The following BICC1 variants were observed in gnomAD, a reference collection of about 807,000 sequenced individuals.
BICC1 encodes the protein protein bicaudal C homolog 1.
Under a neutral mutation model 111.0 loss-of-function variants are expected in BICC1, and 43 were observed. The observed-to-expected ratio is 0.39, with a 90% CI of 0.30 to 0.50. BICC1 has a LOEUF of 0.50. BICC1 is among the 20% of genes least tolerant of loss of function. The pLI is 0.88. For missense variants in BICC1, 1,091 were observed against 1,203.2 expected (o/e 0.91, Z 1.38); for synonymous variants, 467 against 434.4 (o/e 1.07, Z -0.93).
intron 3 of BICC1, among the ~76,000 whole-genome samples, chr10:58,717,139 T>C (rs1476972301): frequency 6.6e-6 from 1 of 152,244 alleles, no homozygotes; most frequent in Non-Finnish European, 1.5e-5. Context: ...CTTTTCGAAC[T>C]TGATAGCTAA....
chr10:58,712,687 T>A (rs1840614601), intron 3 of BICC1, among the ~76,000 whole-genome samples: 1 of 152,170 alleles, frequency 6.6e-6, no homozygotes, highest in African/African-American at 2.4e-5. Context: ...GATCAGTGGT[T>A]ATCAGGGACT....
intron 1 of BICC1, among the ~76,000 whole-genome samples, chr10:58,599,365 C>T (rs2132066099): frequency 6.6e-6 from 1 of 152,244 alleles, no homozygotes; most frequent in South Asian, 2.1e-4. Flanking sequence ...GTGGATGAAG[C>T]TGGAAACCAT....
chr10:58,810,111 AG>A (rs1843853139), intron 17 of BICC1, among the ~76,000 whole-genome samples: 2 of 152,352 alleles, frequency 1.3e-5, no homozygotes, highest in Admixed American at 1.3e-4. Context: ...TCTGCTGTAA[AG>A]GGATGTAACC....
At chr10:58,585,046 G>A (rs1012180804) in intron 1 of BICC1, among the ~76,000 whole-genome samples, 2 of 152,096 alleles carry the variant, frequency 1.3e-5, no homozygotes, top group Non-Finnish European at 2.9e-5. Context: ...ATTATACCTG[G>A]CAAGTGGTAG....
At chr10:58,816,850 T>C (rs762722238) in intron 18 of BICC1, among the ~76,000 whole-genome samples, 16 of 151,312 alleles carry the variant, frequency 1.1e-4, no homozygotes, top group Non-Finnish European at 1.9e-4. Context: ...TCACTGGGTC[T>C]GAGAGCCACA....
intron 3 of BICC1, among the ~76,000 whole-genome samples, chr10:58,722,510 T>G (rs1304292065): frequency 6.6e-6 from 1 of 152,212 alleles, no homozygotes; most frequent in African/African-American, 2.4e-5. Flanking sequence ...AATTAAGTAA[T>G]AAAATAATAA....
intron 1 of BICC1, among the ~76,000 whole-genome samples, chr10:58,572,877 T>C (rs1844002650): frequency 6.6e-6 from 1 of 152,188 alleles, no homozygotes. Flanking sequence ...TGTCATTAGG[T>C]AGTCTTCGAT....
At chr10:58,798,947 ATTCTT>A (rs1843447317) in intron 11 of BICC1, 104 bp from the exon 12 acceptor site, 2 of 859,632 alleles carry the variant, frequency 2.3e-6, no homozygotes, top group Admixed American at 2.9e-5. Context: ...TCAAAATTGA[ATTCTT>A]TTCTGAACTT....
intron 1 of BICC1, among the ~76,000 whole-genome samples, chr10:58,546,734 A>G (rs1297114515): frequency 6.6e-6 from 1 of 152,210 alleles, no homozygotes; most frequent in Non-Finnish European, 1.5e-5. Flanking sequence ...TTTTAAAAAA[A>G]TAATTTATTT....
At chr10:58,642,079 C>G (rs917992893) in intron 2 of BICC1, among the ~76,000 whole-genome samples, 9 of 152,224 alleles carry the variant, frequency 5.9e-5, no homozygotes, top group African/African-American at 2.2e-4. Context: ...CAGGTCTCTT[C>G]AAGGCCAGCT....
chr10:58,604,300 A>C (rs1464170965), intron 1 of BICC1, among the ~76,000 whole-genome samples: 1 of 152,196 alleles, frequency 6.6e-6, no homozygotes, highest in African/African-American at 2.4e-5. Flanking sequence ...AGTCTGTTTG[A>C]TATTTAGACT....
intron 1 of BICC1, among the ~76,000 whole-genome samples, chr10:58,601,121 T>C (rs1182919604): frequency 8.8e-6 from 1 of 113,310 alleles, no homozygotes; most frequent in Non-Finnish European, 1.9e-5. Flanking sequence ...ACATACTTTT[T>C]AGGCAGTCAT....
chr10:58,522,149 A>G (rs1178748675), intron 1 of BICC1, among the ~76,000 whole-genome samples: 1 of 151,894 alleles, frequency 6.6e-6, no homozygotes, highest in Non-Finnish European at 1.5e-5. Context: ...ACAAATCTAT[A>G]TATTCTTGCG....
intron 2 of BICC1, among the ~76,000 whole-genome samples, chr10:58,677,468 C>T (rs748372454): frequency 3.4e-5 from 5 of 148,906 alleles, no homozygotes; most frequent in Non-Finnish European, 7.6e-5. Context: ...GGAAGATCAG[C>T]TTAATAAAGT....
intron 20 of BICC1, among the ~76,000 whole-genome samples, chr10:58,826,431 A>C (rs1844396704): frequency 6.6e-6 from 1 of 152,186 alleles, no homozygotes; most frequent in Non-Finnish European, 1.5e-5. Context: ...TCTGGAAAAA[A>C]AATGCCACAA....
intron 3 of BICC1, among the ~76,000 whole-genome samples, chr10:58,728,265 T>C (rs903100774): frequency 1.3e-5 from 2 of 152,254 alleles, no homozygotes; most frequent in Admixed American, 1.3e-4. Context: ...TGCCACTGCT[T>C]TATCAACTAA....
chr10:58,738,478 T>G (rs1481195175), intron 3 of BICC1, among the ~76,000 whole-genome samples: 2 of 152,174 alleles, frequency 1.3e-5, no homozygotes, highest in Non-Finnish European at 2.9e-5. Flanking sequence ...CCATGCTGTT[T>G]TGGTTACTGT....
chr10:58,593,667 A>G (rs1419916350), intron 1 of BICC1, among the ~76,000 whole-genome samples: 1 of 152,172 alleles, frequency 6.6e-6, no homozygotes, highest in Non-Finnish European at 1.5e-5. Context: ...GTCAGAAGGA[A>G]AACTAACAAA....
intron 1 of BICC1, among the ~76,000 whole-genome samples, chr10:58,620,102 A>C (rs1240171864): frequency 1.3e-5 from 2 of 152,108 alleles, no homozygotes; most frequent in African/African-American, 4.8e-5. Flanking sequence ...GCAAGATGCT[A>C]TTGGCTCTTT....
Sources: gnomAD v4.1 joint callset for allele counts (sites outside exome capture counted in the v4.1 genomes callset) on GRCh38, gnomAD v4.1.1 for gene constraint, MANE v1.5 for transcripts, NCBI Gene and HGNC (gene_info 2026-07-23, HGNC 2026-07-21) for gene names.